Variants in NEB observed in about 807,000 individuals in gnomAD.
NEB encodes the protein nemaline myopathy type 2.
Under a neutral mutation model 952.2 loss-of-function variants are expected in NEB, and 512 were observed. That is an observed-to-expected ratio of 0.54 (90% CI 0.50 to 0.58). NEB has a LOEUF of 0.58. Ranked by LOEUF, NEB falls within the 20% of genes least tolerant of loss-of-function variation. The probability of loss-of-function intolerance (pLI) is 0.00; values close to 1 mark genes in which losing one functional copy is unlikely to be tolerated. For missense variants in NEB, 8,428 were observed against 9,231.1 expected, an observed-to-expected ratio of 0.91 and a Z score of 3.56; for synonymous variants, 2,900 against 3,149.8, an observed-to-expected ratio of 0.92 and a Z score of 2.66.
rs1305720208 is a variant in NEB at position 151,671,190 on chromosome 2, T to A, written c.4339A>T (p.Ile1447Phe). Residue 1447 changes from isoleucine to phenylalanine, a missense_variant, in exon 38 of 182, where the codon ATC becomes TTC. Transcript: ENST00000397345. The stretch of plus-strand genomic sequence containing the variant: ...AGGGAACCAATAGGGATCCATCCGA[T>A]GCCCTTCAAGAAGCTGTTATACTCG... ...KDEYNSFLKG[I>F]GWIPIGSLEV... 6.2e-7 allele frequency: 1 copy of A among 1,613,972 alleles called. No individual in the cohort carries two copies. The highest frequency in any genetic ancestry group is 1.1e-5 in the South Asian group (1 of 91,076).
rs1040837093 is a variant in NEB at position 151,540,853 on chromosome 2, A to G, written c.20683-52T>C. 4.2e-6 allele frequency: 6 copies of G among 1,416,382 alleles called. No homozygotes were observed. The African/African-American group carries it at 7.1e-5, about 17-fold the overall frequency. The allele number at this position is 1,416,382 out of a possible 1,614,324, so 87.7% of individuals were successfully genotyped here. On this transcript the variant is annotated intron_variant, in intron 136 of 181. Transcript: ENST00000397345. ...CATAGAGATAAAGCATTTAGTATTTAGCATTCAGTCCACTTCATTCATTTC... is the reference window on the plus strand; with the variant it reads ...CATAGAGATAAAGCATTTAGTATTTGGCATTCAGTCCACTTCATTCATTTC...
chr2:151,498,781 A>ACTC (rs1331305980), intron 169 of NEB, among the ~76,000 whole-genome samples: 2 of 151,866 alleles, frequency 1.3e-5, no homozygotes, highest in African/African-American at 4.8e-5. Context: ...CATACACACA[A>ACTC]CTCTTCTTTT....
chr2:151,615,963 C>T, intron 76 of NEB, 39 bp downstream of exon 76: 1 of 1,464,786 alleles, frequency 6.8e-7, no homozygotes, highest in Non-Finnish European at 9.4e-7. Flanking sequence ...TTGTCAACAT[C>T]TTTGAATAAG....
At chr2:151,645,813 T>G (rs1445805864) in intron 55 of NEB, among the ~76,000 whole-genome samples, 1 of 152,152 alleles carries the variant, frequency 6.6e-6, no homozygotes, top group Non-Finnish European at 1.5e-5. Flanking sequence ...AGATAAGCAC[T>G]GTAGATTCAA....
In NEB at chr2:151,565,576, G is replaced by C. The variant is rs1302332151; in HGVS notation, c.18291C>G (p.Asn6097Lys). Residue 6097 changes from asparagine (N) to lysine (K), a missense_variant, in exon 116 of 182, where the codon AAC (asparagine) becomes AAG (lysine). Physicochemically the swap from Asn to Lys is moderately conservative, Grantham distance 94. This residue lies in a region of NEB where 3,374 missense variants were observed against 3,651.5 expected (regional missense o/e 0.92). Transcript: ENST00000397345. The part of the protein sequence containing the change: ...QIKYKKNALE[N>K]YPNFRSVVDP... ...CCACCACACTTCTAAAGTTAGGATA[G>C]TTTTCAAGGGCATTTTTCTTATATT... The C allele has an allele frequency of 6.3e-7, 1 of 1,598,082 alleles. No individual in the cohort carries two copies. Among genetic ancestry groups the C allele is most frequent in the South Asian group, 1.1e-5 (1 of 90,106 alleles).
chr2:151,694,669 T>C, intron 18 of NEB, 40 bp from the exon 19 acceptor site: 1 of 1,493,144 alleles, frequency 6.7e-7, no homozygotes, highest in Non-Finnish European at 9.2e-7. Context: ...GCAAAAGTGA[T>C]ATGCATGTCA....
intron 36 of NEB, 137 bp from the exon 37 acceptor site, chr2:151,672,817 C>T: frequency 1.5e-6 from 1 of 682,944 alleles, no homozygotes; most frequent in Non-Finnish European, 2.3e-6. Context: ...CAACCCCCTC[C>T]AAAAAGTTCA....
rs5835379 is a variant in NEB at position 151,717,855 on chromosome 2, C to CTTTTTTTTTTTT, written c.718-347_718-336dup. The stretch of plus-strand genomic sequence containing the variant: ...GACTTGACCATATACCTCCTTTGTT[C>CTTTTTTTTTTTT]TTTTTTTTTTTTTTTTGAGACGGAG... On this transcript the variant is annotated intron_variant, in intron 9 of 181. Coordinates refer to ENST00000397345, the MANE Select transcript of NEB (RefSeq NM_001164508.2). 1.4e-5 allele frequency among the ~76,000 whole-genome samples: 2 copies of CTTTTTTTTTTTT among 140,272 alleles called. 1 individual carries two copies. Among genetic ancestry groups the CTTTTTTTTTTTT allele is most frequent in the Non-Finnish European group, 3.0e-5 (2 of 65,868 alleles). 92.0% of individuals were successfully genotyped at this position (140,272 alleles called of 152,430 possible).
chr2:151,513,656 C>T lies in NEB; in HGVS notation c.23165G>A (p.Gly7722Glu). The part of the protein sequence containing the change: ...YKRDLELEVK[G>E]RGLNAMANET... Reference sequence around the variant, plus strand: ...ATTGGCCATGGCATTCAGGCCTCTTCCTTTGACTTCCAGTTCCAGGTCTCG... The same window carrying T: ...ATTGGCCATGGCATTCAGGCCTCTTTCTTTGACTTCCAGTTCCAGGTCTCG... Residue 7722 changes from glycine (G) to glutamate (E), a missense_variant, in exon 160 of 182, where the codon GGA (glycine) becomes GAA (glutamate). Coordinates refer to ENST00000397345, the MANE Select transcript of NEB (RefSeq NM_001164508.2). The T allele has an allele frequency of 3.1e-6, 5 of 1,608,456 alleles. No homozygotes were observed. Among genetic ancestry groups the T allele is most frequent in the Non-Finnish European group, 4.2e-6 (5 of 1,177,284 alleles).
At chr2:151,493,753 T>C in intron 175 of NEB, 22 bp downstream of exon 175, 1 of 1,490,496 alleles carries the variant, frequency 6.7e-7, no homozygotes, top group Non-Finnish European at 9.2e-7. Flanking sequence ...TTTTAAGGAT[T>C]TATTTTTCCT....
chr2:151,645,559 G>C (rs955625758), intron 55 of NEB, among the ~76,000 whole-genome samples: 4 of 152,178 alleles, frequency 2.6e-5, no homozygotes, highest in Non-Finnish European at 4.4e-5. Context: ...AGTGCCTATT[G>C]ATCTTGGACT....
intron 23 of NEB, among the ~76,000 whole-genome samples, chr2:151,691,559 C>T (rs1199783526): frequency 6.6e-6 from 1 of 152,194 alleles, no homozygotes; most frequent in Admixed American, 6.5e-5. Flanking sequence ...CCCAGCATGG[C>T]TTCTCACATA....
At chr2:151,694,237 G>T in intron 20 of NEB, 86 bp downstream of exon 20, 2 of 1,122,246 alleles carry the variant, frequency 1.8e-6, no homozygotes, top group Non-Finnish European at 1.3e-6. Context: ...CAAGATTTCA[G>T]TTAGGCTAAC....
Position 151,562,167 on chromosome 2 carries a change from G to T in NEB, c.18939C>A (p.Tyr6313Ter). 1 of 1,613,638 alleles carries T rather than the reference G, an allele frequency of 6.2e-7. No individual in the cohort carries two copies. The highest frequency in any genetic ancestry group is 2.2e-5 in the East Asian group (1 of 44,884). ...DLNWLKGIGC[Y>*]VWDTPQILHA... ...GGAGGATTTGGGGTGTATCCCAAAC[G>T]TAGCAACCAATGCCTTTCAACCAAT... Residue 6313 changes from tyrosine (Y) to a stop codon, truncating the protein, a stop_gained, in exon 121 of 182, where the codon TAC becomes TAA. Coordinates refer to ENST00000397345, the MANE Select transcript of NEB (RefSeq NM_001164508.2). LOFTEE classifies it high-confidence loss of function.
At position 151,621,012 on chromosome 2, in the gene NEB, C is replaced by T. The variant is rs2098404526; in HGVS notation, c.10467G>A (p.Gln3489=). ...KINYSESLYR[Q]AMEEAKKEGY... Reference sequence around the variant, plus strand: ...CTTCTTTCTTGGCTTCTTCCATGGCCTGACGATAGAGGCTCTGAGGAAAGA... The same window carrying T: ...CTTCTTTCTTGGCTTCTTCCATGGCTTGACGATAGAGGCTCTGAGGAAAGA... Residue 3489 remains glutamine, a synonymous_variant, in exon 72 of 182, where the codon CAG becomes CAA. Coordinates refer to ENST00000397345, the MANE Select transcript of NEB (RefSeq NM_001164508.2). 1.2e-6 allele frequency: 2 copies of T among 1,609,508 alleles called. No individual in the cohort carries two copies. Among genetic ancestry groups the T allele is most frequent in the Non-Finnish European group, 1.7e-6 (2 of 1,177,624 alleles).
intron 54 of NEB, 45 bp downstream of exon 54, chr2:151,650,131 A>G (rs771465427): frequency 1.3e-6 from 2 of 1,565,782 alleles, no homozygotes; most frequent in Non-Finnish European, 1.8e-6. Context: ...AGCAAACACT[A>G]GGTAGCAGGC....
rs1464708622 is a variant in NEB, at chr2:151,524,577, T to C, written c.22312A>G (p.Thr7438Ala). 2 of 1,610,666 alleles carry C rather than the reference T, an allele frequency of 1.2e-6. No homozygotes were observed. Among genetic ancestry groups the C allele is most frequent in the Non-Finnish European group, 1.7e-6 (2 of 1,178,748 alleles). ...RKDAKENLHY[T>A]TVADRPDIKK... The stretch of plus-strand genomic sequence containing the variant: ...ATGTCTGGTCGATCAGCCACTGTGG[T>C]GTAATGCAGGTTCTCTTTGGCATCT... The change falls in exon 152 of 182, where the codon ACC becomes GCC. Residue 7438 changes from threonine to alanine, a missense_variant. By Grantham distance (58) the Thr-to-Ala change is moderately conservative. Transcript: ENST00000397345.
chr2:151,690,822 T>C lies in NEB; in HGVS notation c.2215A>G (p.Thr739Ala), dbSNP rs754959175. 46 of 1,570,172 alleles carry C rather than the reference T, an allele frequency of 2.9e-5. No homozygotes were observed. Among genetic ancestry groups the C allele is most frequent in the African/African-American group, 5.4e-5 (4 of 74,114 alleles). The change falls in exon 24 of 182, where the codon ACC becomes GCC. Residue 739 changes from threonine (T) to alanine (A), a missense_variant. Transcript: ENST00000397345. ...IKKLDQCKDH[T>A]YKVHPDKTKF... ...GTCTTATCTGGATGAACTTTGTAGG[T>C]ATGCTAGAAAAGAAGATGTTCTTTA...
intron 145 of NEB, 90 bp from the exon 146 acceptor site, chr2:151,529,404 T>C: frequency 2.4e-6 from 2 of 838,336 alleles, no homozygotes; most frequent in Non-Finnish European, 4.0e-6. Flanking sequence ...CATGCATGAC[T>C]ATAGTACACA....
Sources: gnomAD v4.1 joint callset for allele counts (sites outside exome capture counted in the v4.1 genomes callset) on GRCh38, gnomAD v4.1.1 for gene constraint, gnomAD v4.1.1 regional missense constraint, MANE v1.5 for transcripts, NCBI Gene and HGNC (gene_info 2026-07-23, HGNC 2026-07-21) for gene names.